The following TOX variants were observed in gnomAD, a reference collection of about 807,000 sequenced individuals.
TOX encodes thymocyte selection-associated high mobility group box protein TOX.
TOX carries 11 observed loss-of-function variants against 53.7 expected under a neutral mutation model. The observed-to-expected ratio is 0.20, with a 90% confidence interval of 0.13 to 0.34. The LOEUF is 0.34. Among genes scored for constraint, TOX ranks in the 10% least tolerant of loss-of-function variants. The pLI is 1.00. For missense variants in TOX, 570 were observed against 664.6 expected, an observed-to-expected ratio of 0.86 and a Z score of 1.56; for synonymous variants, 225 against 245.3, an observed-to-expected ratio of 0.92 and a Z score of 0.77.
chr8:58,990,894 T>C (rs923980277), intron 1 of TOX, among the ~76,000 whole-genome samples: 3 of 152,238 alleles, frequency 2.0e-5, no homozygotes, highest in Non-Finnish European at 4.4e-5. Context: ...TGCTGTATTT[T>C]ATCACCTTTA....
intron 2 of TOX, among the ~76,000 whole-genome samples, chr8:58,950,479 C>T (rs918079361): frequency 6.6e-6 from 1 of 152,198 alleles, no homozygotes; most frequent in African/African-American, 2.4e-5. Context: ...TGCTGATATG[C>T]AATCCTACTC....
Position 59,117,809 on chromosome 8 carries a change from C to T in TOX, c.102+1077G>A, listed in dbSNP as rs1805131954. Among the ~76,000 whole-genome samples the T allele has an allele frequency of 6.6e-6, 1 of 152,206 alleles. No homozygotes were observed. The highest frequency in any genetic ancestry group is 1.5e-5 in the Non-Finnish European group (1 of 68,044). Reference sequence around the variant, plus strand: ...GCGAGAGTTGGGCGTCTAAAAGGCCCGCCCAGCGTTTTAGAGAACTCAATT... The same window carrying T: ...GCGAGAGTTGGGCGTCTAAAAGGCCTGCCCAGCGTTTTAGAGAACTCAATT... On this transcript the variant is annotated intron_variant, in intron 1 of 8. Coordinates refer to ENST00000361421, the MANE Select transcript of TOX (RefSeq NM_014729.3). This position sits in a 1 kb window ranked among gnomAD's most constrained non-coding sequence, Gnocchi z 4.6.
chr8:59,118,806 C>T lies in TOX; in HGVS notation c.102+80G>A. On this transcript the variant is annotated intron_variant, in intron 1 of 8. Coordinates refer to ENST00000361421, the MANE Select transcript of TOX (RefSeq NM_014729.3). The surrounding 1 kb of genome is among the most constrained non-coding windows in gnomAD (Gnocchi z 4.1). Reference sequence around the variant, plus strand: ...GGGACCGGCCTCCGCCAAGCCGGCCCCGCCGCGGCCCGGCCACCGCCGCTC... The same window carrying T: ...GGGACCGGCCTCCGCCAAGCCGGCCTCGCCGCGGCCCGGCCACCGCCGCTC... 1 of 1,186,532 alleles carries T rather than the reference C, an allele frequency of 8.4e-7. No individual in the cohort carries two copies. The highest frequency in any genetic ancestry group is 2.7e-5 in the Admixed American group (1 of 36,514). 73.5% of individuals were successfully genotyped at this position (1,186,532 alleles called of 1,614,324 possible).
At chr8:58,856,351 T>C (rs1320617376) in intron 3 of TOX, among the ~76,000 whole-genome samples, 3 of 152,192 alleles carry the variant, frequency 2.0e-5, no homozygotes, top group Non-Finnish European at 4.4e-5. Flanking sequence ...TCATGACTAA[T>C]GCATTTTTCA....
chr8:59,043,002 T>A (rs887073092), intron 1 of TOX, among the ~76,000 whole-genome samples: 1 of 152,162 alleles, frequency 6.6e-6, no homozygotes, highest in South Asian at 2.1e-4. Context: ...ATTATTAATA[T>A]AGTCACCATG....
chr8:58,888,447 A>G (rs942513661), intron 3 of TOX, among the ~76,000 whole-genome samples: 2 of 152,250 alleles, frequency 1.3e-5, no homozygotes, highest in African/African-American at 4.8e-5. Context: ...CACTTGAAGA[A>G]AAGAACTCAA....
At chr8:58,859,933 G>C (rs1249949139) in intron 3 of TOX, among the ~76,000 whole-genome samples, 2 of 152,120 alleles carry the variant, frequency 1.3e-5, no homozygotes, top group African/African-American at 2.4e-5. Context: ...GAGAGAAGGG[G>C]GACCCTGAAC....
intron 2 of TOX, among the ~76,000 whole-genome samples, chr8:58,951,609 G>C (rs1812623219): frequency 6.6e-6 from 1 of 152,116 alleles, no homozygotes; most frequent in African/African-American, 2.4e-5. Context: ...TACTCTCTTT[G>C]TGATTTTGGA....
intron 1 of TOX, among the ~76,000 whole-genome samples, chr8:58,997,766 A>C: frequency 6.6e-6 from 1 of 152,162 alleles, no homozygotes; most frequent in East Asian, 1.9e-4. Context: ...GTAGGATTAT[A>C]CATTTGGAAA....
chr8:58,961,319 C>T (rs1054725090), intron 1 of TOX, among the ~76,000 whole-genome samples: 2 of 152,148 alleles, frequency 1.3e-5, no homozygotes, highest in African/African-American at 4.8e-5. Context: ...AGGATTTCTT[C>T]GCACATCACC....
chr8:58,900,110 C>A (rs1449033881), intron 3 of TOX, among the ~76,000 whole-genome samples: 2 of 152,032 alleles, frequency 1.3e-5, no homozygotes, highest in Non-Finnish European at 2.9e-5. Context: ...TTTGACCCTT[C>A]CTCTTTGAAC....
chr8:58,968,095 G>GAA (rs1228165915), intron 1 of TOX, among the ~76,000 whole-genome samples: 2 of 151,864 alleles, frequency 1.3e-5, no homozygotes, highest in African/African-American at 4.8e-5. Flanking sequence ...CCATTTGAAA[G>GAA]AAAAAAATGC....
At chr8:58,901,709 A>G (rs780376516) in intron 3 of TOX, among the ~76,000 whole-genome samples, 1 of 152,184 alleles carries the variant, frequency 6.6e-6, no homozygotes, top group Non-Finnish European at 1.5e-5. Flanking sequence ...ATGTCTTGAA[A>G]TTTCCAGTAA....
At chr8:58,971,697 T>C (rs200260524) in intron 1 of TOX, among the ~76,000 whole-genome samples, 2 of 680 alleles carry the variant, frequency 2.9e-3, no homozygotes, top group Admixed American at 0.011. Flanking sequence ...TTTCGTTTTG[T>C]TTTTTTTTGA....
intron 6 of TOX, among the ~76,000 whole-genome samples, chr8:58,817,323 A>C (rs1354448831): frequency 6.6e-6 from 1 of 152,088 alleles, no homozygotes; most frequent in Non-Finnish European, 1.5e-5. Flanking sequence ...TCATGCAAAA[A>C]TTTTAAGGGG....
At chr8:59,050,046 C>G (rs1475255000) in intron 1 of TOX, among the ~76,000 whole-genome samples, 2 of 152,052 alleles carry the variant, frequency 1.3e-5, no homozygotes, top group East Asian at 3.8e-4. Context: ...GGTATCGATC[C>G]CCAGATTCTT....
chr8:58,892,648 C>G (rs1474398929), intron 3 of TOX, among the ~76,000 whole-genome samples: 1 of 152,102 alleles, frequency 6.6e-6, no homozygotes, highest in African/African-American at 2.4e-5. Context: ...ATCACACATA[C>G]CGGGTAAAGT....
intron 7 of TOX, among the ~76,000 whole-genome samples, chr8:58,809,830 G>A (rs1281989326): frequency 2.0e-5 from 3 of 152,248 alleles, no homozygotes; most frequent in African/African-American, 7.2e-5. Flanking sequence ...TGAGATCAGA[G>A]AGTGTTTCAA....
chr8:58,851,428 T>C lies in TOX; in HGVS notation c.693+96A>G. ...ACAAAGCAGGTGTCTCCCTCCAATG[T>C]TTCTCGCATGGATGATATAAACTTG... On this transcript the variant is annotated intron_variant, in intron 4 of 8. Transcript: ENST00000361421. This position sits in a 1 kb window ranked among gnomAD's most constrained non-coding sequence, Gnocchi z 4.4. 7.1e-7 allele frequency: 1 copy of C among 1,402,418 alleles called. No homozygotes were observed. Among genetic ancestry groups the C allele is most frequent in the Non-Finnish European group, 9.8e-7 (1 of 1,022,214 alleles). 86.9% of individuals were successfully genotyped at this position (1,402,418 alleles called of 1,614,324 possible).
Sources: allele counts gnomAD v4.1 joint callset (sites outside exome capture counted in the v4.1 genomes callset), GRCh38; gene constraint gnomAD v4.1.1; non-coding constraint Gnocchi (gnomAD v3.1); transcripts MANE v1.5; gene names NCBI Gene and HGNC (gene_info 2026-07-23, HGNC 2026-07-21).